CHIC2: variants seen among roughly 807,000 people sequenced by gnomAD.
The protein encoded by CHIC2 is cysteine-rich hydrophobic domain-containing protein 2.
A neutral mutation model predicts 25.9 loss-of-function variants in CHIC2; 14 were observed. The observed-to-expected ratio is 0.54, with a 90% CI of 0.36 to 0.85. The LOEUF (loss-of-function observed/expected upper bound fraction) is 0.85, where lower values mean the gene tolerates loss of function less well. CHIC2 is among the 40% of genes least tolerant of loss of function. The probability of loss-of-function intolerance (pLI) is 0.01; values close to 1 mark genes in which losing one functional copy is unlikely to be tolerated. For missense variants in CHIC2, 146 were observed against 202.0 expected (o/e 0.72, Z 1.68); for synonymous variants, 70 against 72.0 (o/e 0.97, Z 0.14).
intron 4 of CHIC2, 21 bp downstream of exon 4, chr4:54,014,042 G>C (rs1159896852): frequency 1.2e-6 from 2 of 1,612,278 alleles, no homozygotes; most frequent in South Asian, 2.2e-5. Flanking sequence ...ACAGTACGAA[G>C]CTGCTCCCTG....
rs1293331774 is a variant in CHIC2, at chr4:54,029,140, AC to A, written c.331-15022del. ...CCATCTCAAAGAAAAAAAAAAAAAA[AC>A]AAAAGTCAAATATCAAATATGATGT... On this transcript the variant is annotated intron_variant, in intron 3 of 5. Coordinates refer to ENST00000263921, the MANE Select transcript of CHIC2 (RefSeq NM_012110.4). 3.3e-5 allele frequency among the ~76,000 whole-genome samples: 5 copies of A among 151,998 alleles called. No homozygotes were observed. In the East Asian group the frequency reaches 5.8e-4, roughly 18 times the overall value.
intron 3 of CHIC2, among the ~76,000 whole-genome samples, chr4:54,015,352 A>G (rs1223974000): frequency 3.9e-5 from 6 of 151,948 alleles, no homozygotes. Flanking sequence ...AATTTTAAAG[A>G]AAAAAAAGTG....
At chr4:54,074,597 AACACACACACACAC>A in the CHIC2 span, among the ~76,000 whole-genome samples, 2 of 139,600 alleles carry the variant, frequency 1.4e-5, no homozygotes, top group East Asian at 2.1e-4. Context: ...ACAACACACA[AACACACACACACAC>A]ACACACACAC....
chr4:54,051,944 T>TAC (rs1368522914), intron 1 of CHIC2, among the ~76,000 whole-genome samples: 1 of 152,212 alleles, frequency 6.6e-6, no homozygotes, highest in African/African-American at 2.4e-5. Context: ...CAGGCTTTCC[T>TAC]ACACACTTCT....
At chr4:54,032,057 A>T (rs554916526) in intron 3 of CHIC2, among the ~76,000 whole-genome samples, 233 of 152,310 alleles carry the variant, frequency 1.5e-3, no homozygotes, top group African/African-American at 5.4e-3. Flanking sequence ...CCACTTCCCT[A>T]TTCCTAAATG....
At chr4:54,071,439 G>A in the CHIC2 span, among the ~76,000 whole-genome samples, 41 of 152,326 alleles carry the variant, frequency 2.7e-4, no homozygotes, top group East Asian at 5.4e-3. Context: ...CATAGGTACC[G>A]TTTTCATCCC....
chr4:54,066,964 T>G (rs1028803838), upstream of CHIC2, among the ~76,000 whole-genome samples: 8 of 152,246 alleles, frequency 5.3e-5, no homozygotes, highest in African/African-American at 1.9e-4. Flanking sequence ...ATCACATAGC[T>G]GACAACTTCC....
At chr4:54,086,550 A>G in the CHIC2 span, among the ~76,000 whole-genome samples, 1 of 152,142 alleles carries the variant, frequency 6.6e-6, no homozygotes, top group African/African-American at 2.4e-5. Flanking sequence ...GACGATAAAC[A>G]TAAACAGAAG....
intron 1 of CHIC2, among the ~76,000 whole-genome samples, chr4:54,055,194 A>C (rs1717138150): frequency 6.6e-6 from 1 of 151,928 alleles, no homozygotes; most frequent in African/African-American, 2.4e-5. Context: ...GTGTAGTCTC[A>C]AACTCCTGGG....
At chr4:54,080,900 C>T in the CHIC2 span, among the ~76,000 whole-genome samples, 1 of 135,622 alleles carries the variant, frequency 7.4e-6, no homozygotes, top group Non-Finnish European at 1.5e-5. Flanking sequence ...AATGGATGTG[C>T]TAATTAGCTT....
intron 3 of CHIC2, among the ~76,000 whole-genome samples, chr4:54,029,055 G>A (rs1716143801): frequency 6.6e-6 from 1 of 151,792 alleles, no homozygotes; most frequent in South Asian, 2.1e-4. Context: ...CTGGGGAGGT[G>A]GAGATTGCAG....
chr4:54,044,192 C>T (rs1716693839), intron 3 of CHIC2, among the ~76,000 whole-genome samples: 1 of 152,076 alleles, frequency 6.6e-6, no homozygotes, highest in African/African-American at 2.4e-5. Flanking sequence ...TACACTCCCA[C>T]ACAATAATGG....
chr4:54,025,253 G>A (rs1716023084), intron 3 of CHIC2, among the ~76,000 whole-genome samples: 1 of 152,256 alleles, frequency 6.6e-6, no homozygotes, highest in Admixed American at 6.5e-5. Context: ...CCACTGTGAT[G>A]TTTCTGCCCC....
the CHIC2 span, chr4:54,087,766 T>C: frequency 1.5e-5 from 7 of 480,352 alleles, no homozygotes; most frequent in Non-Finnish European, 2.7e-5. Flanking sequence ...TTCTGCTAAG[T>C]ACCACCACAA....
intron 1 of CHIC2, among the ~76,000 whole-genome samples, chr4:54,057,599 T>G (rs1717214911): frequency 1.3e-5 from 2 of 152,298 alleles, no homozygotes; most frequent in Middle Eastern, 3.4e-3. Context: ...ATAAAATTTG[T>G]CTATTAGCTG....
the CHIC2 span, among the ~76,000 whole-genome samples, chr4:54,079,411 A>C: frequency 4.6e-5 from 7 of 152,312 alleles, no homozygotes; most frequent in South Asian, 1.4e-3. Context: ...AAAAATAAAG[A>C]AGTAGTACAC....
chr4:54,055,081 G>A (rs1717132275), intron 1 of CHIC2, among the ~76,000 whole-genome samples: 1 of 152,088 alleles, frequency 6.6e-6, no homozygotes, highest in South Asian at 2.1e-4. Context: ...TACCAAAATG[G>A]TTGTATAAGA....
chr4:54,035,066 C>A (rs545487281), intron 3 of CHIC2, among the ~76,000 whole-genome samples: 1 of 152,260 alleles, frequency 6.6e-6, no homozygotes, highest in South Asian at 2.1e-4. Context: ...ACCAACCTTA[C>A]TTACCTTCCT....
intron 3 of CHIC2, among the ~76,000 whole-genome samples, chr4:54,019,534 C>A (rs1233807673): frequency 6.6e-6 from 1 of 151,978 alleles, no homozygotes; most frequent in Admixed American, 6.6e-5. Context: ...ACGATCTAGG[C>A]TAGTGAGAGA....
Sources: gnomAD v4.1 joint callset for allele counts (sites outside exome capture counted in the v4.1 genomes callset) on GRCh38, gnomAD v4.1.1 for gene constraint, MANE v1.5 for transcripts, NCBI Gene and HGNC (gene_info 2026-07-23, HGNC 2026-07-21) for gene names.